The following RANBP10 variants were observed in gnomAD, a reference collection of about 807,000 sequenced individuals.
RANBP10 encodes the protein RAN binding protein 10, also known as ran-binding protein 10.
RANBP10 carries 24 observed loss-of-function variants against 72.8 expected under a neutral mutation model. The ratio of observed to expected loss-of-function variants is 0.33; its 90% CI spans 0.24 to 0.46. The LOEUF is 0.46. Ranked by LOEUF, RANBP10 falls within the 20% of genes least tolerant of loss-of-function variation. RANBP10 has a pLI of 1.00. For synonymous variants in RANBP10, 310 were observed against 322.3 expected (o/e 0.96, Z 0.41); for missense variants, 679 against 817.5 (o/e 0.83, Z 2.07).
chr16:67,793,141 C>G (rs1464446382), intron 2 of RANBP10, among the ~76,000 whole-genome samples: 5 of 152,002 alleles, frequency 3.3e-5, no homozygotes, highest in African/African-American at 4.8e-5. Context: ...CATTAGACCC[C>G]ACAGGGGTCT....
Position 67,724,685 on chromosome 16 carries a change from T to C in RANBP10, c.*1743A>G, listed in dbSNP as rs186564360. 2.6e-5 allele frequency: 4 copies of C among 152,334 alleles called. No individual in the cohort carries two copies. Among genetic ancestry groups the C allele is most frequent in the East Asian group, 3.9e-4 (2 of 5,174 alleles). 9.4% of individuals were successfully genotyped at this position (152,334 alleles called of 1,614,324 possible). On this transcript the variant is annotated 3_prime_UTR_variant, in exon 14 of 14. Coordinates refer to ENST00000317506, the MANE Select transcript of RANBP10 (RefSeq NM_020850.3). ...AGGGCCCTGGCCCCATCACCAGCAGTTGGTCCAATTCAAACATTTTTCTTG... is the reference window on the plus strand; with the variant it reads ...AGGGCCCTGGCCCCATCACCAGCAGCTGGTCCAATTCAAACATTTTTCTTG...
chr16:67,739,504 C>CA (rs1319573075), intron 4 of RANBP10, among the ~76,000 whole-genome samples: 7 of 152,158 alleles, frequency 4.6e-5, no homozygotes, highest in Non-Finnish European at 8.8e-5. Flanking sequence ...CATACGCAGT[C>CA]AGAGTCCTCA....
Position 67,729,456 on chromosome 16 carries a change from G to A in RANBP10, c.1176C>T (p.Gly392=), listed in dbSNP as rs1034865243. The change falls in exon 10 of 14, where the codon GGC becomes GGT. Residue 392 remains glycine, a synonymous_variant. Coordinates refer to ENST00000317506, the MANE Select transcript of RANBP10 (RefSeq NM_020850.3). The surrounding 1 kb of genome is among the most constrained non-coding windows in gnomAD (Gnocchi z 7.1). The part of the protein sequence containing the change: ...TGADSPSCSN[G]VASTKSKQNH... ...TCTGTTTGCTCTTGGTGGACGCGAC[G>A]CCATTGCTACAGCTGGGACTGTCTG... 6 of 1,612,996 alleles carry A rather than the reference G, an allele frequency of 3.7e-6. No individual in the cohort carries two copies. In the East Asian group the frequency reaches 6.7e-5, roughly 18 times the overall value.
chr16:67,759,762 A>G (rs1271777384), intron 3 of RANBP10: 1 of 152,308 alleles, frequency 6.6e-6, no homozygotes, highest in Non-Finnish European at 1.5e-5. Context: ...AGTGGTGCCT[A>G]TTTGGCAGGT....
chr16:67,738,146 G>T, intron 4 of RANBP10, 111 bp from the exon 5 acceptor site: 2 of 1,280,188 alleles, frequency 1.6e-6, no homozygotes, highest in Non-Finnish European at 1.1e-6. Flanking sequence ...TTGGTTTGTT[G>T]TTGTTGTTTT....
At chr16:67,764,980 C>T (rs1266470032) in intron 3 of RANBP10, among the ~76,000 whole-genome samples, 3 of 152,100 alleles carry the variant, frequency 2.0e-5, no homozygotes, top group Non-Finnish European at 2.9e-5. Context: ...ATTAACACTC[C>T]TCATAAATAG....
intron 2 of RANBP10, among the ~76,000 whole-genome samples, chr16:67,798,099 A>C (rs1001348806): frequency 3.9e-5 from 6 of 152,040 alleles, no homozygotes; most frequent in African/African-American, 9.7e-5. Flanking sequence ...CCAGAACCCA[A>C]ACATTCCATG....
chr16:67,744,538 C>G, intron 3 of RANBP10, 83 bp from the exon 4 acceptor site: 1 of 1,409,266 alleles, frequency 7.1e-7, no homozygotes, highest in East Asian at 2.5e-5. Context: ...CCAGGTCTCT[C>G]AGCCTCTCCT....
At chr16:67,774,937 T>C (rs1207644928) in intron 2 of RANBP10, among the ~76,000 whole-genome samples, 2 of 152,214 alleles carry the variant, frequency 1.3e-5, no homozygotes, top group African/African-American at 4.8e-5. Context: ...TGGTGACTTG[T>C]ATAGCATGTT....
At chr16:67,795,140 C>T (rs1160496654) in intron 2 of RANBP10, among the ~76,000 whole-genome samples, 1 of 151,882 alleles carries the variant, frequency 6.6e-6, no homozygotes, top group Non-Finnish European at 1.5e-5. Context: ...GTCCCAGCTA[C>T]TCAGGAGGCT....
intron 4 of RANBP10, among the ~76,000 whole-genome samples, chr16:67,743,482 CT>C (rs984233808): frequency 2.0e-5 from 3 of 152,202 alleles, no homozygotes; most frequent in African/African-American, 7.2e-5. Context: ...GCCAAAGTCT[CT>C]TCCTCTCAAG....
intron 2 of RANBP10, among the ~76,000 whole-genome samples, chr16:67,790,755 A>G (rs2055008727): frequency 6.6e-6 from 1 of 151,826 alleles, no homozygotes; most frequent in Admixed American, 6.6e-5. Context: ...GCTGGAGTGC[A>G]GTGGCACAGT....
intron 2 of RANBP10, among the ~76,000 whole-genome samples, chr16:67,785,329 G>C (rs549063696): frequency 3.5e-4 from 54 of 152,192 alleles, no homozygotes; most frequent in African/African-American, 1.2e-3. Flanking sequence ...GAAAGCGTAA[G>C]GGTAAATCTT....
chr16:67,756,447 C>T (rs1019473537), intron 3 of RANBP10, among the ~76,000 whole-genome samples: 3 of 152,208 alleles, frequency 2.0e-5, no homozygotes, highest in South Asian at 4.1e-4. Flanking sequence ...TGAGGCCAGG[C>T]GCGGTGACTC....
chr16:67,728,630 C>A, intron 10 of RANBP10, 119 bp from the exon 11 acceptor site: 2 of 1,548,204 alleles, frequency 1.3e-6, no homozygotes, highest in South Asian at 1.2e-5. Flanking sequence ...CCCCCAGGAA[C>A]ATGAAAGGAC....
intron 3 of RANBP10, among the ~76,000 whole-genome samples, chr16:67,769,148 TAA>T (rs1209645199): frequency 6.6e-6 from 1 of 152,130 alleles, no homozygotes. Flanking sequence ...AATTGGTACC[TAA>T]AGAGTCCCCG....
chr16:67,750,761 C>CTTTTTTT (rs914921755), intron 3 of RANBP10, among the ~76,000 whole-genome samples: 19 of 110,220 alleles, frequency 1.7e-4, no homozygotes, highest in South Asian at 3.0e-4. Flanking sequence ...TTTTCACTTT[C>CTTTTTTT]TTTTTTTTTT....
intron 3 of RANBP10, among the ~76,000 whole-genome samples, chr16:67,752,614 G>A (rs533626193): frequency 2.0e-5 from 3 of 152,068 alleles, no homozygotes; most frequent in African/African-American, 4.8e-5. Flanking sequence ...CACAATAAGT[G>A]TCTGTGTGTA....
intron 2 of RANBP10, among the ~76,000 whole-genome samples, chr16:67,774,973 A>G (rs2143013460): frequency 6.6e-6 from 1 of 152,332 alleles, no homozygotes. Context: ...AACACTCAAG[A>G]AAGTAGGAAT....
Sources: allele counts gnomAD v4.1 joint callset (sites outside exome capture counted in the v4.1 genomes callset), GRCh38; gene constraint gnomAD v4.1.1; non-coding constraint Gnocchi (gnomAD v3.1); transcripts MANE v1.5; gene names NCBI Gene and HGNC (gene_info 2026-07-23, HGNC 2026-07-21).